Variants in SFMBT1 observed in about 807,000 individuals in gnomAD.
SFMBT1 encodes the protein Scm like with four mbt domains 1.
A neutral mutation model predicts 108.7 loss-of-function variants in SFMBT1; 32 were observed. The observed-to-expected ratio is 0.29, with a 90% CI of 0.22 to 0.40. SFMBT1 has a LOEUF of 0.40. Ranked by LOEUF, SFMBT1 falls within the 10% of genes least tolerant of loss-of-function variation. The pLI, the probability that SFMBT1 is intolerant of heterozygous loss-of-function variation, is 1.00. For missense variants in SFMBT1, 816 were observed against 1,059.6 expected (o/e 0.77, Z 3.19); for synonymous variants, 348 against 369.5 (o/e 0.94, Z 0.67).
chr3:53,006,166 G>T (rs765521350), intron 1 of SFMBT1, among the ~76,000 whole-genome samples: 15 of 152,182 alleles, frequency 9.9e-5, no homozygotes, highest in Non-Finnish European at 1.9e-4. Flanking sequence ...TAGCCTGGAG[G>T]CCTTATATAC....
rs1471585181 is a variant in SFMBT1 at position 52,912,611 on chromosome 3, T to C, written c.1657A>G (p.Ser553Gly). 6.2e-7 allele frequency: 1 copy of C among 1,613,980 alleles called. No homozygotes were observed. The highest frequency in any genetic ancestry group is 1.3e-5 in the African/African-American group (1 of 74,918). The change falls in exon 16 of 21, where the codon AGC (serine) becomes GGC (glycine). Residue 553 changes from serine (S) to glycine (G), a missense_variant. Coordinates refer to ENST00000394752, the MANE Select transcript of SFMBT1 (RefSeq NM_016329.4). ...TLLINAAYKPSRVLRELQLDK... is the reference protein window; with the variant it reads ...TLLINAAYKPGRVLRELQLDK... ...AGCTGGAGCTCCCGAAGGACACGGCTGGGTTTGTAGGCTGCATTGATAAGT... is the reference window on the plus strand; with the variant it reads ...AGCTGGAGCTCCCGAAGGACACGGCCGGGTTTGTAGGCTGCATTGATAAGT...
rs59842273 is a variant in SFMBT1, at chr3:52,949,568, C to CTTTTTTTTTTTTTTTTTT, written c.123+4731_123+4748dup. 2.7e-4 allele frequency among the ~76,000 whole-genome samples: 21 copies of CTTTTTTTTTTTTTTTTTT among 77,414 alleles called. 4 individuals are homozygous for CTTTTTTTTTTTTTTTTTT. Among genetic ancestry groups the CTTTTTTTTTTTTTTTTTT allele is most frequent in the African/African-American group, 1.2e-3 (21 of 17,556 alleles). The allele number at this position is 77,414 out of a possible 152,430, so 50.8% of individuals were successfully genotyped here. A position where few individuals can be genotyped will look rare whatever the true frequency, so the allele number is the denominator to read the frequency against. ...CCCTTTATTATTATGTAATGTCCTT[C>CTTTTTTTTTTTTTTTTTT]TTTTTTTTTTTTTTTTTTTTTTTTT... On this transcript the variant is annotated intron_variant, in intron 3 of 20. Transcript: ENST00000394752.
chr3:53,018,530 T>C (rs1358244638), intron 1 of SFMBT1, among the ~76,000 whole-genome samples: 1 of 152,168 alleles, frequency 6.6e-6, no homozygotes, highest in African/African-American at 2.4e-5. Flanking sequence ...GCTCTCATGT[T>C]GCTATCTCAA....
intron 4 of SFMBT1, 148 bp downstream of exon 4, chr3:52,943,205 T>C: frequency 2.2e-6 from 2 of 924,558 alleles, no homozygotes. Context: ...TGTGTATTAT[T>C]CCTTATAAAT....
chr3:53,001,052 A>G lies in SFMBT1; in HGVS notation c.-130-31794T>C, dbSNP rs560089884. ...ATCTCACTGTTTAGTCTACTTTTATATATGTTTGACATTCTCCCTAACAAG... is the reference window on the plus strand; with the variant it reads ...ATCTCACTGTTTAGTCTACTTTTATGTATGTTTGACATTCTCCCTAACAAG... On this transcript the variant is annotated intron_variant, in intron 1 of 20. Transcript: ENST00000394752. Among the ~76,000 whole-genome samples the G allele has an allele frequency of 1.9e-3, 280 of 150,264 alleles. 3 individuals are homozygous for G. The highest frequency in any genetic ancestry group is 6.4e-3 in the African/African-American group (263 of 41,334).
intron 9 of SFMBT1, 114 bp from the exon 10 acceptor site, chr3:52,926,227 T>C (rs1001064868): frequency 4.8e-6 from 4 of 841,394 alleles, no homozygotes; most frequent in Middle Eastern, 4.4e-4. Context: ...TCTGACAACT[T>C]TGATCATTTT....
intron 4 of SFMBT1, among the ~76,000 whole-genome samples, chr3:52,937,395 G>A (rs1703046575): frequency 1.3e-5 from 2 of 151,892 alleles, no homozygotes; most frequent in Non-Finnish European, 2.9e-5. Context: ...ATACAGTTAG[G>A]TTTCCTTGAT....
intron 8 of SFMBT1, among the ~76,000 whole-genome samples, chr3:52,929,065 TA>T (rs1702776815): frequency 6.6e-6 from 1 of 152,030 alleles, no homozygotes. Flanking sequence ...AGAGGTTAAA[TA>T]ACTTGCCCTG....
At chr3:52,984,398 C>CT (rs201391464) in intron 1 of SFMBT1, among the ~76,000 whole-genome samples, 3,323 of 143,854 alleles carry the variant, frequency 0.023, 197 homozygotes, top group Admixed American at 0.14. Context: ...GGGGCCAATT[C>CT]TTTTTTTTTT....
At chr3:53,019,815 C>T (rs747148519) in intron 1 of SFMBT1, among the ~76,000 whole-genome samples, 4 of 152,172 alleles carry the variant, frequency 2.6e-5, no homozygotes, top group Non-Finnish European at 5.9e-5. Context: ...TGACACAAAC[C>T]TACTTAAAAC....
At chr3:52,963,035 C>A (rs559354429) in intron 2 of SFMBT1, among the ~76,000 whole-genome samples, 1 of 151,626 alleles carries the variant, frequency 6.6e-6, no homozygotes, top group Admixed American at 6.6e-5. Flanking sequence ...ACTCTGTCAC[C>A]CAGGCTGGAA....
chr3:53,026,691 T>C (rs933258246), intron 1 of SFMBT1, among the ~76,000 whole-genome samples: 4 of 152,190 alleles, frequency 2.6e-5, no homozygotes, highest in Non-Finnish European at 4.4e-5. Context: ...ATCTGTGTGG[T>C]TGGTTCTTAG....
At chr3:53,033,484 T>C (rs1488922721) in intron 1 of SFMBT1, among the ~76,000 whole-genome samples, 2 of 152,064 alleles carry the variant, frequency 1.3e-5, no homozygotes, top group Admixed American at 6.6e-5. Context: ...ATACTAACTT[T>C]TTTTGCAGCC....
At chr3:52,978,006 A>AT (rs1420397745) in intron 1 of SFMBT1, among the ~76,000 whole-genome samples, 2 of 140,392 alleles carry the variant, frequency 1.4e-5, no homozygotes, top group East Asian at 4.4e-4. Flanking sequence ...GTCAGGCACA[A>AT]TAAAAAAAAA....
chr3:52,964,218 G>A (rs1415736342), intron 2 of SFMBT1, among the ~76,000 whole-genome samples: 3 of 152,168 alleles, frequency 2.0e-5, no homozygotes, highest in Admixed American at 6.6e-5. Context: ...CAAAAGATGT[G>A]TATTTTCATG....
chr3:52,945,097 C>G (rs1036830261), intron 3 of SFMBT1, among the ~76,000 whole-genome samples: 1 of 124,760 alleles, frequency 8.0e-6, no homozygotes, highest in Non-Finnish European at 1.7e-5. Flanking sequence ...AACCACTGTG[C>G]CTGGCCCAAA....
At chr3:52,955,414 A>AAAAT (rs554888652) in intron 2 of SFMBT1, among the ~76,000 whole-genome samples, 1,596 of 151,648 alleles carry the variant, frequency 0.011, 26 homozygotes, top group African/African-American at 0.033. Flanking sequence ...CTCTATCTCA[A>AAAAT]AAATAAATAA....
At chr3:52,956,483 G>A (rs963261977) in intron 2 of SFMBT1, among the ~76,000 whole-genome samples, 1 of 151,846 alleles carries the variant, frequency 6.6e-6, no homozygotes, top group Non-Finnish European at 1.5e-5. Context: ...ACAATAGGCT[G>A]GGTGCAGTGG....
chr3:53,032,252 T>C (rs58840385), intron 1 of SFMBT1, among the ~76,000 whole-genome samples: 11,534 of 152,218 alleles, frequency 0.076, 1,200 homozygotes, highest in African/African-American at 0.22. Context: ...TGCCTATGGT[T>C]CCAGCTACTT....
Sources: gnomAD v4.1 joint callset for allele counts (sites outside exome capture counted in the v4.1 genomes callset) on GRCh38, gnomAD v4.1.1 for gene constraint, MANE v1.5 for transcripts, NCBI Gene and HGNC (gene_info 2026-07-23, HGNC 2026-07-21) for gene names.